Variants in PACRG observed in about 807,000 individuals in gnomAD.
PACRG encodes the protein parkin coregulated, also known as parkin coregulated gene protein.
In PACRG, 29 loss-of-function variants were observed where a neutral mutation model predicts 29.7. The ratio of observed to expected loss-of-function variants is 0.98; its 90% CI spans 0.73 to 1.33. PACRG has a LOEUF of 1.33. Among genes scored for constraint, PACRG ranks in the 40% most tolerant of loss-of-function variants. PACRG has a pLI of 0.00. For missense variants in PACRG, 279 were observed against 316.2 expected, an observed-to-expected ratio of 0.88 and a Z score of 0.89; for synonymous variants, 116 against 118.7, an observed-to-expected ratio of 0.98 and a Z score of 0.15.
At chr6:162,913,662 C>T (rs1796471277) in intron 2 of PACRG, among the ~76,000 whole-genome samples, 1 of 152,118 alleles carries the variant, frequency 6.6e-6, no homozygotes, top group Non-Finnish European at 1.5e-5. Context: ...TGTTATATCA[C>T]TTTATATTTC....
chr6:162,763,988 G>A (rs1782581157), intron 1 of PACRG, among the ~76,000 whole-genome samples: 1 of 152,004 alleles, frequency 6.6e-6, no homozygotes, highest in African/African-American at 2.4e-5. Context: ...AAAATGGGGT[G>A]CTCCAGGCCC....
At position 162,873,661 on chromosome 6, in the gene PACRG, A is replaced by G. The variant is rs545518254; in HGVS notation, c.291+59380A>G. Among the ~76,000 whole-genome samples, 5 of 152,262 alleles carry G rather than the reference A, an allele frequency of 3.3e-5. No individual in the cohort carries two copies. The East Asian group carries it at 7.8e-4, about 24-fold the overall frequency. On this transcript the variant is annotated intron_variant, in intron 2 of 4. Coordinates refer to ENST00000366888, the MANE Select transcript of PACRG (RefSeq NM_001080379.2). The stretch of plus-strand genomic sequence containing the variant: ...CTCTTAGAGCCCAACTAGATCCTAA[A>G]TGTCATTAAAGTCACTAAAGCACTT...
chr6:162,843,156 T>C (rs1789963631), intron 2 of PACRG, among the ~76,000 whole-genome samples: 1 of 137,366 alleles, frequency 7.3e-6, no homozygotes, highest in Non-Finnish European at 1.6e-5. Flanking sequence ...CCTTGCTAGA[T>C]TGGGGAAGTT....
intron 3 of PACRG, among the ~76,000 whole-genome samples, chr6:163,065,656 C>T (rs1196044120): frequency 6.6e-6 from 1 of 152,126 alleles, no homozygotes; most frequent in Non-Finnish European, 1.5e-5. Flanking sequence ...GCATATGAAC[C>T]AGAAGAAACT....
chr6:163,193,204 G>A (rs965647046), intron 4 of PACRG, among the ~76,000 whole-genome samples: 2 of 152,204 alleles, frequency 1.3e-5, no homozygotes, highest in African/African-American at 4.8e-5. Flanking sequence ...AAATTTTAAT[G>A]TGCCACGTTA....
In PACRG at chr6:162,996,455, A is replaced by AC. The variant is rs544066074; in HGVS notation, c.292-65688dup. On this transcript the variant is annotated intron_variant, in intron 2 of 4. Transcript: ENST00000366888. ...TCGTTTGTGCTTTGATCCAAAATAG[A>AC]CCCCCCCAAAACCATTATACACAAA... Among the ~76,000 whole-genome samples, 93 of 151,974 alleles carry AC rather than the reference A, an allele frequency of 6.1e-4. 1 individual carries two copies. Among genetic ancestry groups the AC allele is most frequent in the African/African-American group, 1.4e-3 (58 of 41,452 alleles).
At chr6:163,160,020 A>C (rs911996689) in intron 4 of PACRG, among the ~76,000 whole-genome samples, 6 of 152,080 alleles carry the variant, frequency 3.9e-5, no homozygotes, top group African/African-American at 1.4e-4. Flanking sequence ...ACTTCTCTGT[A>C]CTTTTAATTA....
intron 4 of PACRG, among the ~76,000 whole-genome samples, chr6:163,232,401 G>A (rs1380001592): frequency 2.6e-5 from 4 of 152,072 alleles, no homozygotes; most frequent in Non-Finnish European, 4.4e-5. Flanking sequence ...TCAGACCAAC[G>A]CCCACACTTT....
chr6:163,162,911 A>G (rs1368171286), intron 4 of PACRG, among the ~76,000 whole-genome samples: 1 of 146,064 alleles, frequency 6.8e-6, no homozygotes, highest in Non-Finnish European at 1.5e-5. Context: ...AGGGTTGTCA[A>G]GGGTTGTCAA....
chr6:163,196,120 A>G (rs926884130), intron 4 of PACRG, among the ~76,000 whole-genome samples: 18 of 152,194 alleles, frequency 1.2e-4, no homozygotes, highest in African/African-American at 4.1e-4. Flanking sequence ...CAAGATCCCA[A>G]TCAGCATTTC....
In PACRG at chr6:163,314,951, C is replaced by T. The variant is rs749298209; in HGVS notation, c.738C>T (p.Tyr246=). ...GGENAFINIK[Y]VVPTYESCLL... Reference sequence around the variant, plus strand: ...AAAATGCCTTTATCAACATTAAGTACGTGGTCCCAACCTACGAGTCTTGCT... The same window carrying T: ...AAAATGCCTTTATCAACATTAAGTATGTGGTCCCAACCTACGAGTCTTGCT... Residue 246 remains tyrosine, a synonymous_variant, in exon 5 of 5, where the codon TAC becomes TAT. Coordinates refer to ENST00000366888, the MANE Select transcript of PACRG (RefSeq NM_001080379.2). The T allele has an allele frequency of 6.9e-5, 111 of 1,613,988 alleles. No individual in the cohort carries two copies. The highest frequency in any genetic ancestry group is 2.3e-4 in the Admixed American group (14 of 59,986).
At chr6:162,745,393 G>T (rs1318631721) in intron 1 of PACRG, among the ~76,000 whole-genome samples, 1 of 152,056 alleles carries the variant, frequency 6.6e-6, no homozygotes, top group African/African-American at 2.4e-5. Flanking sequence ...GGGGGATGTG[G>T]GGTGAGGGGA....
At chr6:163,088,666 A>G (rs1813815504) in intron 3 of PACRG, among the ~76,000 whole-genome samples, 2 of 151,984 alleles carry the variant, frequency 1.3e-5, no homozygotes, top group Non-Finnish European at 2.9e-5. Flanking sequence ...CTTATAGCTT[A>G]TGTGTTGTTT....
intron 2 of PACRG, among the ~76,000 whole-genome samples, chr6:162,864,332 G>A (rs1397699578): frequency 2.6e-5 from 4 of 152,266 alleles, no homozygotes; most frequent in Non-Finnish European, 5.9e-5. Context: ...CCACAGAGTA[G>A]AGTTGGAAAA....
rs182350179 is a variant in PACRG, at chr6:162,865,106, C to T, written c.291+50825C>T. 7.6e-4 allele frequency among the ~76,000 whole-genome samples: 116 copies of T among 152,198 alleles called. 3 individuals are homozygous for T. In the Middle Eastern group the frequency reaches 0.031, roughly 40 times the overall value. ...CATGTGTAATATACTCCCTCTAGGA[C>T]GGGATAAAACCTCAAGAAACCTAGG... On this transcript the variant is annotated intron_variant, in intron 2 of 4. Coordinates refer to ENST00000366888, the MANE Select transcript of PACRG (RefSeq NM_001080379.2).
chr6:163,017,508 C>G (rs1585015982), intron 2 of PACRG, among the ~76,000 whole-genome samples: 1 of 152,100 alleles, frequency 6.6e-6, no homozygotes, highest in East Asian at 1.9e-4. Flanking sequence ...GCAAATTAAC[C>G]AAAAGAGAGA....
chr6:162,785,246 A>C (rs185865526), intron 1 of PACRG, among the ~76,000 whole-genome samples: 1 of 152,062 alleles, frequency 6.6e-6, no homozygotes. Flanking sequence ...CAATGAAACA[A>C]ACCAATTTGA....
At chr6:162,975,926 C>A (rs1801916854) in intron 2 of PACRG, among the ~76,000 whole-genome samples, 1 of 152,076 alleles carries the variant, frequency 6.6e-6, no homozygotes, top group South Asian at 2.1e-4. Context: ...AAGTTACAAA[C>A]CTGCCCCCTC....
Position 163,314,892 on chromosome 6 carries a change from G to C in PACRG, c.679G>C (p.Glu227Gln). 6.2e-7 allele frequency: 1 copy of C among 1,614,188 alleles called. No individual in the cohort carries two copies. The highest frequency in any genetic ancestry group is 8.5e-7 in the Non-Finnish European group (1 of 1,180,038). Residue 227 changes from glutamate to glutamine, a missense_variant, in exon 5 of 5, where the codon GAG becomes CAG. Physicochemically the swap from Glu to Gln is conservative, Grantham distance 29. Coordinates refer to ENST00000366888, the MANE Select transcript of PACRG (RefSeq NM_001080379.2). ...KRENIGDLIQ[E>Q]TLEAFERYGG... ...GGAGAACATTGGGGACTTGATCCAGGAGACACTGGAGGCCTTCGAGCGCTA... is the reference window on the plus strand; with the variant it reads ...GGAGAACATTGGGGACTTGATCCAGCAGACACTGGAGGCCTTCGAGCGCTA...
Sources: gnomAD v4.1 joint callset for allele counts (sites outside exome capture counted in the v4.1 genomes callset) on GRCh38, gnomAD v4.1.1 for gene constraint, MANE v1.5 for transcripts, NCBI Gene and HGNC (gene_info 2026-07-23, HGNC 2026-07-21) for gene names.